DGKA: variants seen among roughly 807,000 people sequenced by gnomAD.
The protein encoded by DGKA is diacylglycerol kinase alpha.
In DGKA, 35 loss-of-function variants were observed where a neutral mutation model predicts 105.0. The ratio of observed to expected loss-of-function variants is 0.33; its 90% CI spans 0.25 to 0.44. The LOEUF is 0.44. Ranked by LOEUF, DGKA falls within the 20% of genes least tolerant of loss-of-function variation. The pLI, the probability that DGKA is intolerant of heterozygous loss-of-function variation, is 1.00. For synonymous variants in DGKA, 296 were observed against 332.0 expected (o/e 0.89, Z 1.18); for missense variants, 665 against 915.0 (o/e 0.73, Z 3.53).
Position 55,952,096 on chromosome 12 carries a change from G to A in DGKA, c.1649G>A (p.Ser550Asn), listed in dbSNP as rs113803249. 6.2e-7 allele frequency: 1 copy of A among 1,614,126 alleles called. No individual in the cohort carries two copies. Among genetic ancestry groups the A allele is most frequent in the South Asian group, 1.1e-5 (1 of 91,076 alleles). The change falls in exon 19 of 24, where the codon AGC (serine) becomes AAC (asparagine). Residue 550 changes from serine (S) to asparagine (N), a missense_variant. Physicochemically the swap from Ser to Asn is conservative, Grantham distance 46 (BLOSUM62 1). This residue lies in a region of DGKA where 504 missense variants were observed against 681.2 expected (regional missense o/e 0.74). Transcript: ENST00000331886. This position sits in a 1 kb window ranked among gnomAD's most constrained non-coding sequence, Gnocchi z 5.1. Reference sequence around the variant, plus strand: ...GAGAAATATCCGGAGAAGTTCAACAGCAGGTTAGGGAAAGGAGGGGGCAGT... The same window carrying A: ...GAGAAATATCCGGAGAAGTTCAACAACAGGTTAGGGAAAGGAGGGGGCAGT... The part of the protein sequence containing the change: ...MREKYPEKFN[S>N]RMKNKLWYFE...
At chr12:55,927,739 G>T (rs1883222085), upstream of DGKA, 1 of 1,539,790 alleles carries the variant, frequency 6.5e-7, no homozygotes, top group Non-Finnish European at 8.7e-7. Flanking sequence ...CTCCGTAGCC[G>T]CAGGGCTGCC....
At chr12:55,941,399 A>ATG in intron 14 of DGKA, 74 bp downstream of exon 14, 1 of 1,585,470 alleles carries the variant, frequency 6.3e-7, no homozygotes, top group Non-Finnish European at 8.7e-7. Flanking sequence ...GTGGAAGGGG[A>ATG]TGTGTGTGTC....
rs983909374 is a variant in DGKA, at chr12:55,940,797, G to C, written c.1017+75G>C. 2 of 1,598,534 alleles carry C rather than the reference G, an allele frequency of 1.3e-6. No homozygotes were observed. The highest frequency in any genetic ancestry group is 1.7e-6 in the Non-Finnish European group (2 of 1,166,234). ...TCCCACACGCACAGAGTGGCATTTA[G>C]AATAGAGAGCTCATACTTTTAGGAT... is the stretch of plus-strand genomic sequence containing the variant. On this transcript the variant is annotated intron_variant, in intron 12 of 23. Transcript: ENST00000331886. This position sits in a 1 kb window ranked among gnomAD's most constrained non-coding sequence, Gnocchi z 4.3.
chr12:55,933,588 C>T (rs988685026), intron 1 of DGKA: 4 of 152,202 alleles, frequency 2.6e-5, no homozygotes, highest in African/African-American at 9.7e-5. Flanking sequence ...GTCAAGAAAA[C>T]CACTGAAAAG....
upstream of DGKA, chr12:55,927,515 G>C (rs943809070): frequency 1.4e-6 from 1 of 695,878 alleles, no homozygotes; most frequent in Non-Finnish European, 2.4e-6. Flanking sequence ...CCTGCACCCA[G>C]ATCTCAGAGC....
chr12:55,941,918 A>G (rs1886093941), intron 15 of DGKA, 80 bp from the exon 16 acceptor site: 3 of 1,435,028 alleles, frequency 2.1e-6, no homozygotes, highest in Non-Finnish European at 2.0e-6. Flanking sequence ...ATGAGAGACA[A>G]GAAGCAATCT....
At chr12:55,937,155 C>G (rs573326206) in intron 3 of DGKA, 65 bp downstream of exon 3, 2 of 1,564,292 alleles carry the variant, frequency 1.3e-6, no homozygotes, top group South Asian at 2.2e-5. Flanking sequence ...TGATCCCCAA[C>G]TTCCAGGAAT....
intron 17 of DGKA, among the ~76,000 whole-genome samples, chr12:55,943,964 G>C (rs1886513471): frequency 6.6e-6 from 1 of 152,048 alleles, no homozygotes; most frequent in Non-Finnish European, 1.5e-5. Flanking sequence ...AACTCAACCT[G>C]AATCATGACA....
rs756514226 is a variant in DGKA, at chr12:55,939,275, G to A, written c.564G>A (p.Val188=). 31 of 1,614,056 alleles carry A rather than the reference G, an allele frequency of 1.9e-5. No homozygotes were observed. Among genetic ancestry groups the A allele is most frequent in the Non-Finnish European group, 2.5e-5 (30 of 1,180,018 alleles). Reference sequence around the variant, plus strand: ...GGGTCCGGGCTGGGGCCACCACCGTGCCACTGCTAGTGCTGCTGGGTCTGG... The same window carrying A: ...GGGTCCGGGCTGGGGCCACCACCGTACCACTGCTAGTGCTGCTGGGTCTGG... ...AEWVRAGATT[V]PLLVLLGLEM... Residue 188 remains valine, a synonymous_variant, in exon 8 of 24, where the codon GTG becomes GTA. Coordinates refer to ENST00000331886, the MANE Select transcript of DGKA (RefSeq NM_001345.5).
intron 1 of DGKA, among the ~76,000 whole-genome samples, chr12:55,934,982 G>A (rs1884360554): frequency 1.3e-5 from 2 of 152,208 alleles, no homozygotes; most frequent in Admixed American, 6.5e-5. Context: ...ATGGCGGGGT[G>A]TGAGGAGAGA....
Position 55,939,534 on chromosome 12 carries a change from G to A in DGKA, c.709+5G>A. Reference sequence around the variant, plus strand: ...AACAGGGACTGAGCTGTAACCGTGAGTAATGGGAGCTGGGAGGTAGGGGAA... The same window carrying A: ...AACAGGGACTGAGCTGTAACCGTGAATAATGGGAGCTGGGAGGTAGGGGAA... On this transcript the variant is annotated splice_donor_5th_base_variant and intron_variant, in intron 9 of 23. Transcript: ENST00000331886. 1 of 1,613,914 alleles carries A rather than the reference G, an allele frequency of 6.2e-7. No individual in the cohort carries two copies. The highest frequency in any genetic ancestry group is 2.2e-5 in the East Asian group (1 of 44,890).
rs773091644 is a variant in DGKA, at chr12:55,939,181, C to T, written c.475-5C>T. On this transcript the variant is annotated splice_region_variant and splice_polypyrimidine_tract_variant and intron_variant, in intron 7 of 23. Coordinates refer to ENST00000331886, the MANE Select transcript of DGKA (RefSeq NM_001345.5). ...ACTGAAAGTCCCTTTCCACTCTGTG[C>T]TCAGATTCTTCAGGAGATGATGAAA... The T allele has an allele frequency of 6.2e-7, 1 of 1,613,692 alleles. No homozygotes were observed. The highest frequency in any genetic ancestry group is 8.5e-7 in the Non-Finnish European group (1 of 1,179,766).
rs142690731 is a variant in DGKA, at chr12:55,937,263, C to T, written c.139-145C>T. 3.7e-3 allele frequency: 4,498 copies of T among 1,208,244 alleles called. 16 individuals carry two copies. The highest frequency in any genetic ancestry group is 4.4e-3 in the Non-Finnish European group (3,734 of 841,068). 74.8% of individuals were successfully genotyped at this position (1,208,244 alleles called of 1,614,324 possible). ...AGGATAAAACAAGGGATTCTATTAA[C>T]TCAGGACTTAATCAAAGAAACCATA... On this transcript the variant is annotated intron_variant, in intron 3 of 23. Transcript: ENST00000331886.
Position 55,940,470 on chromosome 12 carries a change from C to T in DGKA, c.918+37C>T, listed in dbSNP as rs201501605. The T allele has an allele frequency of 3.4e-5, 55 of 1,609,252 alleles. No individual in the cohort carries two copies. Among genetic ancestry groups the T allele is most frequent in the Non-Finnish European group, 9.3e-6 (11 of 1,177,298 alleles). On this transcript the variant is annotated intron_variant, in intron 11 of 23. Transcript: ENST00000331886. The surrounding 1 kb of genome is among the most constrained non-coding windows in gnomAD (Gnocchi z 4.3). ...AGCCATCCCTTCTGGGTGCGTCTTA[C>T]CCCGCAGAGCTGCCTTCTCCACGGG...
At chr12:55,938,798 C>G in intron 6 of DGKA, 117 bp from the exon 7 acceptor site, 2 of 1,552,678 alleles carry the variant, frequency 1.3e-6, no homozygotes, top group Non-Finnish European at 1.8e-6. Context: ...GGCAGACATA[C>G]CTGAGAATGA....
At chr12:55,937,302 T>C (rs530825760) in intron 3 of DGKA, 106 bp from the exon 4 acceptor site, 1 of 1,380,884 alleles carries the variant, frequency 7.2e-7, no homozygotes, top group Non-Finnish European at 1.0e-6. Context: ...CTGCCTCAGA[T>C]GCTTCTCAGC....
chr12:55,932,419 G>A lies in DGKA; in HGVS notation c.-82+1075G>A, dbSNP rs1262215533. On this transcript the variant is annotated intron_variant, in intron 1 of 23. Transcript: ENST00000331886. This position sits in a 1 kb window ranked among gnomAD's most constrained non-coding sequence, Gnocchi z 4.3. Reference sequence around the variant, plus strand: ...CCGACTCGGAGGGAAGTCCTCTTCGGAACCTCCACAGTGCCGCACGGGTGG... The same window carrying A: ...CCGACTCGGAGGGAAGTCCTCTTCGAAACCTCCACAGTGCCGCACGGGTGG... The A allele has an allele frequency of 1.6e-6, 1 of 629,922 alleles. No homozygotes were observed. Among genetic ancestry groups the A allele is most frequent in the East Asian group, 2.8e-5 (1 of 36,170 alleles). 39.0% of individuals were successfully genotyped at this position (629,922 alleles called of 1,614,324 possible).
intron 13 of DGKA, 110 bp from the exon 14 acceptor site, chr12:55,941,142 G>A: frequency 1.5e-6 from 2 of 1,371,584 alleles, no homozygotes; most frequent in Non-Finnish European, 1.0e-6. Flanking sequence ...ACAGGAGGGA[G>A]GGGGGAAATA....
chr12:55,953,944 TACAC>T lies in DGKA; in HGVS notation c.*181_*184del, dbSNP rs1259625002. On this transcript the variant is annotated 3_prime_UTR_variant, in exon 24 of 24. Transcript: ENST00000331886. ...TCACTGTTCCCCATGCGCACACACA[TACAC>T]ACACCCCAAAACACATACATTGAAA... The T allele has an allele frequency of 1.5e-5, 10 of 648,028 alleles. No individual in the cohort carries two copies. Among genetic ancestry groups the T allele is most frequent in the Non-Finnish European group, 2.7e-5 (10 of 375,434 alleles). The allele number at this position is 648,028 out of a possible 1,614,324, so 40.1% of individuals were successfully genotyped here.
Sources: allele counts gnomAD v4.1 joint callset (sites outside exome capture counted in the v4.1 genomes callset), GRCh38; gene constraint gnomAD v4.1.1; regional missense constraint gnomAD v4.1.1; non-coding constraint Gnocchi (gnomAD v3.1); transcripts MANE v1.5; gene names NCBI Gene and HGNC (gene_info 2026-07-23, HGNC 2026-07-21).